The following TNFSF4 variants were observed in gnomAD, a reference collection of about 807,000 sequenced individuals.
TNFSF4 encodes TNF superfamily member 4.
A neutral mutation model predicts 7.3 loss-of-function variants in TNFSF4; 4 were observed. The observed-to-expected ratio is 0.55, with a 90% CI of 0.27 to 1.25. The LOEUF (loss-of-function observed/expected upper bound fraction) is 1.25. Ranked by LOEUF, TNFSF4 falls within the 50% of genes most tolerant of loss-of-function variation. TNFSF4 has a pLI of 0.12. For synonymous variants in TNFSF4, 76 were observed against 83.7 expected (o/e 0.91, Z 0.50); for missense variants, 181 against 208.8 (o/e 0.87, Z 0.82).
At chr1:173,266,266 T>A in the TNFSF4 span, among the ~76,000 whole-genome samples, 1 of 152,224 alleles carries the variant, frequency 6.6e-6, no homozygotes, top group South Asian at 2.1e-4. Context: ...TAGAAACAGC[T>A]TTTGCAAACA....
the TNFSF4 span, among the ~76,000 whole-genome samples, chr1:173,311,820 G>A: frequency 6.6e-6 from 1 of 152,046 alleles, no homozygotes; most frequent in African/African-American, 2.4e-5. Context: ...ACCTCAAGCA[G>A]GGCAATAAAA....
chr1:173,408,409 AATTG>A, the TNFSF4 span, among the ~76,000 whole-genome samples: 1 of 152,152 alleles, frequency 6.6e-6, no homozygotes, highest in African/African-American at 2.4e-5. Context: ...TAATATAAAT[AATTG>A]ATTGATTAAT....
the TNFSF4 span, among the ~76,000 whole-genome samples, chr1:173,391,220 T>G: frequency 6.6e-6 from 1 of 151,452 alleles, no homozygotes; most frequent in Non-Finnish European, 1.5e-5. Flanking sequence ...GTCCTTCCCC[T>G]ATGCAGCACC....
At chr1:173,392,167 C>G in the TNFSF4 span, among the ~76,000 whole-genome samples, 1 of 152,194 alleles carries the variant, frequency 6.6e-6, no homozygotes, top group African/African-American at 2.4e-5. Flanking sequence ...ACTAGTAGCT[C>G]TGTGTCTAAC....
the TNFSF4 span, among the ~76,000 whole-genome samples, chr1:173,312,167 C>T: frequency 6.6e-6 from 1 of 152,010 alleles, no homozygotes; most frequent in Non-Finnish European, 1.5e-5. Flanking sequence ...TGTATAGTAC[C>T]ATCCCTGTCT....
chr1:173,245,445 C>T, the TNFSF4 span, among the ~76,000 whole-genome samples: 1 of 152,048 alleles, frequency 6.6e-6, no homozygotes, highest in Non-Finnish European at 1.5e-5. Context: ...TGCTTTGTTT[C>T]GTTTTGTGTG....
chr1:173,392,412 C>T, the TNFSF4 span, among the ~76,000 whole-genome samples: 348 of 152,216 alleles, frequency 2.3e-3, 1 homozygote, highest in Non-Finnish European at 3.9e-3. Flanking sequence ...ATCCCTACCC[C>T]CAAACAACTC....
At chr1:173,401,351 G>C in the TNFSF4 span, among the ~76,000 whole-genome samples, 1 of 152,200 alleles carries the variant, frequency 6.6e-6, no homozygotes, top group African/African-American at 2.4e-5. Context: ...TTAATTTTAT[G>C]TGTCAACTTG....
At chr1:173,373,328 G>C in the TNFSF4 span, among the ~76,000 whole-genome samples, 3 of 152,298 alleles carry the variant, frequency 2.0e-5, no homozygotes, top group East Asian at 5.8e-4. Flanking sequence ...CTGCCAGGAG[G>C]AACCTCCCAT....
the TNFSF4 span, among the ~76,000 whole-genome samples, chr1:173,341,607 A>G: frequency 6.6e-6 from 1 of 152,194 alleles, no homozygotes; most frequent in Non-Finnish European, 1.5e-5. Context: ...AAAGTTCGTG[A>G]GCATTTCTAG....
At chr1:173,373,412 T>A in the TNFSF4 span, among the ~76,000 whole-genome samples, 1 of 152,252 alleles carries the variant, frequency 6.6e-6, no homozygotes, top group African/African-American at 2.4e-5. Context: ...ATTCCCCAAC[T>A]GAAACAGAAT....
chr1:173,236,400 C>T, the TNFSF4 span, among the ~76,000 whole-genome samples: 1 of 134,692 alleles, frequency 7.4e-6, no homozygotes, highest in African/African-American at 2.8e-5. Context: ...TCCTGTAAAG[C>T]AAGCACCAGT....
chr1:173,291,089 G>T, the TNFSF4 span, among the ~76,000 whole-genome samples: 2 of 152,160 alleles, frequency 1.3e-5, no homozygotes, highest in Non-Finnish European at 1.5e-5. Context: ...TTGTCTAATG[G>T]TTCTGCAGGA....
the TNFSF4 span, among the ~76,000 whole-genome samples, chr1:173,430,163 G>A: frequency 6.6e-6 from 1 of 152,192 alleles, no homozygotes; most frequent in Non-Finnish European, 1.5e-5. Context: ...CACACAGACG[G>A]TTGCAGGGAA....
At chr1:173,390,742 T>TTC in the TNFSF4 span, among the ~76,000 whole-genome samples, 1 of 60,312 alleles carries the variant, frequency 1.7e-5, no homozygotes, top group Non-Finnish European at 3.2e-5. Context: ...TGCTTCTTTT[T>TTC]TTTTTTTCTT....
At chr1:173,258,152 C>T in the TNFSF4 span, among the ~76,000 whole-genome samples, 1 of 151,956 alleles carries the variant, frequency 6.6e-6, no homozygotes, top group East Asian at 1.9e-4. Context: ...TAGCAGGCTT[C>T]CATTGAATCA....
chr1:173,418,787 G>C, the TNFSF4 span, among the ~76,000 whole-genome samples: 1 of 152,170 alleles, frequency 6.6e-6, no homozygotes, highest in Non-Finnish European at 1.5e-5. Flanking sequence ...TGGTCATGGC[G>C]AGCCTTACAT....
the TNFSF4 span, chr1:173,351,638 G>T: frequency 4.1e-6 from 1 of 245,636 alleles, no homozygotes; most frequent in African/African-American, 2.3e-5. Context: ...ATAATCTCTG[G>T]GACACAGCTA....
the TNFSF4 span, among the ~76,000 whole-genome samples, chr1:173,354,799 C>T: frequency 2.6e-5 from 4 of 152,240 alleles, no homozygotes; most frequent in East Asian, 1.9e-4. Context: ...TACAAAATTA[C>T]GTTTGAAGAC....
Sources: gnomAD v4.1 joint callset for allele counts (sites outside exome capture counted in the v4.1 genomes callset) on GRCh38, gnomAD v4.1.1 for gene constraint, MANE v1.5 for transcripts, NCBI Gene and HGNC (gene_info 2026-07-23, HGNC 2026-07-21) for gene names.